HTRA1: variants seen among roughly 807,000 people sequenced by gnomAD.
HTRA1 encodes serine protease HTRA1.
Under a neutral mutation model 49.7 loss-of-function variants are expected in HTRA1, and 26 were observed. The observed-to-expected ratio is 0.52, with a 90% CI of 0.38 to 0.73. The LOEUF (loss-of-function observed/expected upper bound fraction) is 0.73. Ranked by LOEUF, HTRA1 falls within the 30% of genes least tolerant of loss-of-function variation. HTRA1 has a pLI of 0.00. For synonymous variants in HTRA1, 291 were observed against 286.9 expected (o/e 1.01, Z -0.14); for missense variants, 561 against 667.2 (o/e 0.84, Z 1.75).
At chr10:122,489,785 G>A (rs1033522480) in intron 3 of HTRA1, among the ~76,000 whole-genome samples, 159 bp downstream of exon 3, 2 of 152,062 alleles carry the variant, frequency 1.3e-5, no homozygotes, top group African/African-American at 2.4e-5. Context: ...AGTATGGCCT[G>A]GGGGTGTGGG....
intron 1 of HTRA1, among the ~76,000 whole-genome samples, chr10:122,485,661 G>A (rs2097492784): frequency 1.3e-5 from 2 of 152,212 alleles, no homozygotes; most frequent in African/African-American, 4.8e-5. Context: ...ACCACTTTAT[G>A]TGACTGTGTG....
rs2097481230 is a variant in HTRA1 at position 122,461,593 on chromosome 10, C to G, written c.-60C>G. ...CCCCGAGGCCCTCCTGCACTCTCCC[C>G]GGCGCCGCTCTCCGGCCCTCGCCCT... On this transcript the variant is annotated 5_prime_UTR_variant, in exon 1 of 9. Coordinates refer to ENST00000368984, the MANE Select transcript of HTRA1 (RefSeq NM_002775.5). 6.2e-6 allele frequency: 7 copies of G among 1,122,726 alleles called. No homozygotes were observed. In the East Asian group the frequency reaches 2.3e-4, roughly 36 times the overall value. The allele number at this position is 1,122,726 out of a possible 1,614,324, so 69.5% of individuals were successfully genotyped here.
At chr10:122,466,380 G>C in intron 1 of HTRA1, among the ~76,000 whole-genome samples, 1 of 152,136 alleles carries the variant, frequency 6.6e-6, no homozygotes, top group Middle Eastern at 3.2e-3. Context: ...TGTTAGCCAG[G>C]ATGGTCTCCA....
At chr10:122,478,410 T>TTTTTTTG (rs2097489556) in intron 1 of HTRA1, among the ~76,000 whole-genome samples, 2 of 149,640 alleles carry the variant, frequency 1.3e-5, no homozygotes, top group Admixed American at 6.7e-5. Context: ...TTTTTTTTTT[T>TTTTTTTG]GAGACGGACT....
chr10:122,504,398 T>C (rs758659364), intron 3 of HTRA1, among the ~76,000 whole-genome samples: 1 of 152,146 alleles, frequency 6.6e-6, no homozygotes, highest in Admixed American at 6.5e-5. Flanking sequence ...GAGATGTGAA[T>C]TAGGATCCCC....
In HTRA1 at chr10:122,464,167, G is replaced by A. The variant is rs886718667; in HGVS notation, c.472+2043G>A. On this transcript the variant is annotated intron_variant, in intron 1 of 8. Transcript: ENST00000368984. This position sits in a 1 kb window ranked among gnomAD's most constrained non-coding sequence, Gnocchi z 4.8. ...TGTTTTTGTCCAAAACAAGCCAGCT[G>A]TTACTGGTCTCGCTGTTTGTGGTCT... Among the ~76,000 whole-genome samples, 1 of 152,196 alleles carries A rather than the reference G, an allele frequency of 6.6e-6. No homozygotes were observed. Among genetic ancestry groups the A allele is most frequent in the African/African-American group, 2.4e-5 (1 of 41,454 alleles).
chr10:122,483,374 T>A (rs1256937713), intron 1 of HTRA1, among the ~76,000 whole-genome samples: 1 of 152,178 alleles, frequency 6.6e-6, no homozygotes, highest in Non-Finnish European at 1.5e-5. Context: ...AATGGGCCAT[T>A]TGTTGTGTTA....
At chr10:122,496,258 T>TTG (rs1341171124) in intron 3 of HTRA1, among the ~76,000 whole-genome samples, 4 of 132,508 alleles carry the variant, frequency 3.0e-5, no homozygotes, top group African/African-American at 1.1e-4. Context: ...TTTTTTTTTT[T>TTG]TGCAGAGATG....
At chr10:122,507,554 C>G in intron 5 of HTRA1, 152 bp downstream of exon 5, 1 of 705,688 alleles carries the variant, frequency 1.4e-6, no homozygotes, top group Non-Finnish European at 2.6e-6. Context: ...TTTAAAATGG[C>G]TCTGTAAATG....
chr10:122,466,258 C>T lies in HTRA1; in HGVS notation c.472+4134C>T, dbSNP rs751571343. ...TCGGCTCACTGCAAGCTCCACCTCC[C>T]GGGTTCATGCCATTCTCCTGCCTTA... On this transcript the variant is annotated intron_variant, in intron 1 of 8. Coordinates refer to ENST00000368984, the MANE Select transcript of HTRA1 (RefSeq NM_002775.5). 4.3e-4 allele frequency among the ~76,000 whole-genome samples: 65 copies of T among 152,248 alleles called. 1 individual carries two copies. Among genetic ancestry groups the T allele is most frequent in the Non-Finnish European group, 7.8e-4 (53 of 68,014 alleles).
intron 5 of HTRA1, 83 bp from the exon 6 acceptor site, chr10:122,508,573 T>C: frequency 2.2e-6 from 2 of 906,910 alleles, no homozygotes; most frequent in Admixed American, 1.7e-5. Context: ...GCTCAGGGAC[T>C]TCTTTCAGGC....
At position 122,506,797 on chromosome 10, in the gene HTRA1, G is replaced by A. The variant is rs769481765; in HGVS notation, c.884G>A (p.Gly295Glu). The A allele has an allele frequency of 6.2e-7, 1 of 1,613,854 alleles. No individual in the cohort carries two copies. Among genetic ancestry groups the A allele is most frequent in the East Asian group, 2.2e-5 (1 of 44,868 alleles). ...TCCCTTCAAAACACAGTCACCACCGGGATCGTGAGCACCACCCAGCGAGGC... is the reference window on the plus strand; with the variant it reads ...TCCCTTCAAAACACAGTCACCACCGAGATCGTGAGCACCACCCAGCGAGGC... ...PFSLQNTVTT[G>E]IVSTTQRGGK... Residue 295 changes from glycine (G) to glutamate (E), a missense_variant, in exon 4 of 9, where the codon GGG becomes GAG. Physicochemically the swap from Gly to Glu is moderately conservative, Grantham distance 98. Around this residue, in one of 3 missense-constraint regions of HTRA1, gnomAD observed 271 missense variants for 410.0 expected, o/e 0.66. Transcript: ENST00000368984. The surrounding 1 kb of genome is among the most constrained non-coding windows in gnomAD (Gnocchi z 5.2).
chr10:122,467,372 A>T (rs567446800), intron 1 of HTRA1, among the ~76,000 whole-genome samples: 39 of 152,152 alleles, frequency 2.6e-4, no homozygotes, highest in Admixed American at 9.8e-4. Flanking sequence ...CAGTGAGGGG[A>T]TTGGGCCAGT....
chr10:122,480,736 G>T (rs548544949), intron 1 of HTRA1, among the ~76,000 whole-genome samples: 26 of 152,272 alleles, frequency 1.7e-4, no homozygotes, highest in Middle Eastern at 6.8e-3. Context: ...GCAGGAATTG[G>T]CACCTTCTCC....
At chr10:122,489,185 C>G (rs970342678) in intron 2 of HTRA1, among the ~76,000 whole-genome samples, 184 bp downstream of exon 2, 1 of 152,176 alleles carries the variant, frequency 6.6e-6, no homozygotes, top group Non-Finnish European at 1.5e-5. Context: ...ATTCTTGACC[C>G]TTCTGAATGT....
chr10:122,492,275 C>T (rs2097496216), intron 3 of HTRA1, among the ~76,000 whole-genome samples: 1 of 152,202 alleles, frequency 6.6e-6, no homozygotes, highest in Non-Finnish European at 1.5e-5. Flanking sequence ...CCAGCTCCTC[C>T]CCTGGCATCC....
intron 1 of HTRA1, among the ~76,000 whole-genome samples, chr10:122,483,635 TGA>T (rs2097491954): frequency 1.3e-5 from 2 of 152,364 alleles, no homozygotes; most frequent in African/African-American, 2.4e-5. Context: ...GAATTTTCAC[TGA>T]GAGTATGCTT....
rs1027761223 is a variant in HTRA1 at position 122,490,944 on chromosome 10, G to A, written c.777+1318G>A. 6.6e-6 allele frequency among the ~76,000 whole-genome samples: 1 copy of A among 152,198 alleles called. No individual in the cohort carries two copies. The highest frequency in any genetic ancestry group is 6.5e-5 in the Admixed American group (1 of 15,278). ...ATGTTCCTGTAGCTTCTCTATGGCT[G>A]GGTGGCCAGGCATGGCCGAAGAGGC... is the stretch of plus-strand genomic sequence containing the variant. On this transcript the variant is annotated intron_variant, in intron 3 of 8. Transcript: ENST00000368984. This position sits in a 1 kb window ranked among gnomAD's most constrained non-coding sequence, Gnocchi z 4.2.
intron 3 of HTRA1, among the ~76,000 whole-genome samples, 174 bp downstream of exon 3, chr10:122,489,800 G>GA (rs1195886829): frequency 6.6e-6 from 1 of 151,996 alleles, no homozygotes; most frequent in Admixed American, 6.6e-5. Context: ...TGTGGGAGAG[G>GA]AAGGGGCTCA....
Sources: allele counts gnomAD v4.1 joint callset (sites outside exome capture counted in the v4.1 genomes callset), GRCh38; gene constraint gnomAD v4.1.1; regional missense constraint gnomAD v4.1.1; non-coding constraint Gnocchi (gnomAD v3.1); transcripts MANE v1.5; gene names NCBI Gene and HGNC (gene_info 2026-07-23, HGNC 2026-07-21).